SNX27: variants seen among roughly 807,000 people sequenced by gnomAD.
The protein encoded by SNX27 is sorting nexin-27.
SNX27 carries 22 observed loss-of-function variants against 71.6 expected under a neutral mutation model. The observed-to-expected ratio is 0.31, with a 90% CI of 0.22 to 0.44. SNX27 has a LOEUF of 0.44. Ranked by LOEUF, SNX27 falls within the 20% of genes least tolerant of loss-of-function variation. The pLI is 1.00. For missense variants in SNX27, 531 were observed against 698.6 expected (o/e 0.76, Z 2.70); for synonymous variants, 269 against 277.2 (o/e 0.97, Z 0.29).
intron 1 of SNX27, among the ~76,000 whole-genome samples, chr1:151,631,157 T>G (rs1299357808): frequency 1.3e-5 from 2 of 152,224 alleles, no homozygotes; most frequent in Non-Finnish European, 2.9e-5. Flanking sequence ...GACAGACCCT[T>G]ACATTTTGGT....
chr1:151,655,576 T>A (rs2102671359), intron 2 of SNX27, among the ~76,000 whole-genome samples: 1 of 152,338 alleles, frequency 6.6e-6, no homozygotes. Flanking sequence ...CTCCCTGAGC[T>A]GCAGTTTAGG....
intron 7 of SNX27, among the ~76,000 whole-genome samples, chr1:151,673,809 A>C (rs1170274125): frequency 6.6e-6 from 1 of 152,066 alleles, no homozygotes; most frequent in South Asian, 2.1e-4. Context: ...GTCTTGTCCT[A>C]TATTTTTGTC....
chr1:151,647,228 A>C (rs1487670930), intron 2 of SNX27, among the ~76,000 whole-genome samples: 1 of 150,626 alleles, frequency 6.6e-6, no homozygotes, highest in African/African-American at 2.4e-5. Context: ...TCAGCTCACC[A>C]CAACTTCCGT....
chr1:151,657,233 G>C (rs1051888750), intron 2 of SNX27, among the ~76,000 whole-genome samples: 1 of 152,154 alleles, frequency 6.6e-6, no homozygotes, highest in Non-Finnish European at 1.5e-5. Flanking sequence ...GAGTGTAGTG[G>C]CAGGATCGTG....
At chr1:151,651,390 C>T (rs1400681093) in intron 2 of SNX27, among the ~76,000 whole-genome samples, 1 of 150,114 alleles carries the variant, frequency 6.7e-6, no homozygotes, top group Non-Finnish European at 1.5e-5. Context: ...TGACCCCCCC[C>T]ACCTCCCTCC....
chr1:151,693,384 C>A lies in SNX27; in HGVS notation c.1519-40C>A, dbSNP rs202024310. ...CAAAGGCACAGTCCTGAGATGCCTG[C>A]TCTTGAGAAGTTAGTGAGTGTCACC... On this transcript the variant is annotated intron_variant, in intron 10 of 11. Coordinates refer to ENST00000458013, the MANE Select transcript of SNX27 (RefSeq NM_001330723.2). 7 of 1,595,688 alleles carry A rather than the reference C, an allele frequency of 4.4e-6. No homozygotes were observed. In the East Asian group the frequency reaches 1.6e-4, roughly 36 times the overall value.
At position 151,696,522 on chromosome 1, in the gene SNX27, G is replaced by GTTCTTTCGTTCTTTCTTTCTTTCT. The variant is rs1553267186; in HGVS notation, c.*2112_*2113insGTTCTTTCTTTCTTTCTTTCTTTC. 7 of 102,402 alleles carry GTTCTTTCGTTCTTTCTTTCTTTCT rather than the reference G, an allele frequency of 6.8e-5. No individual in the cohort carries two copies. In the South Asian group the frequency reaches 8.6e-4, roughly 13 times the overall value. 6.3% of individuals were successfully genotyped at this position (102,402 alleles called of 1,614,324 possible). A position where few individuals can be genotyped will look rare whatever the true frequency, so the allele number is the denominator to read the frequency against. On this transcript the variant is annotated 3_prime_UTR_variant, in exon 12 of 12. Coordinates refer to ENST00000458013, the MANE Select transcript of SNX27 (RefSeq NM_001330723.2). Reference sequence around the variant, plus strand: ...CTTTCTTTCGTTCTTTCGTTCTTTCGTTCTTTCTTTCTTTCTTTCTTTCTC... The same window carrying GTTCTTTCGTTCTTTCTTTCTTTCT: ...CTTTCTTTCGTTCTTTCGTTCTTTCGTTCTTTCGTTCTTTCTTTCTTTCTTTCTTTCTTTCTTTCTTTCTTTCTC...
rs912764503 is a variant in SNX27 at position 151,697,134 on chromosome 1, A to G, written c.*2717A>G. On this transcript the variant is annotated 3_prime_UTR_variant, in exon 12 of 12. Coordinates refer to ENST00000458013, the MANE Select transcript of SNX27 (RefSeq NM_001330723.2). ...AGGGATCCCTAATTTGAAGACTTTG[A>G]CACAGAACTAACTTCTTTTGACTTA... 2.6e-5 allele frequency: 4 copies of G among 152,214 alleles called. No individual in the cohort carries two copies. The highest frequency in any genetic ancestry group is 9.7e-5 in the African/African-American group (4 of 41,444). The allele number at this position is 152,214 out of a possible 1,614,324, so 9.4% of individuals were successfully genotyped here.
intron 3 of SNX27, among the ~76,000 whole-genome samples, chr1:151,658,917 C>G (rs1403315162): frequency 1.3e-5 from 2 of 152,174 alleles, no homozygotes; most frequent in Non-Finnish European, 2.9e-5. Context: ...ATCTCTTGAC[C>G]TCGTGATCCG....
In SNX27 at chr1:151,679,451, T is replaced by C. The variant is rs748493000; in HGVS notation, c.1150-3905T>C. The C allele has an allele frequency of 2.6e-5, 4 of 152,340 alleles. No homozygotes were observed. The South Asian group carries it at 6.2e-4, about 24-fold the overall frequency. The allele number at this position is 152,340 out of a possible 1,614,324, so 9.4% of individuals were successfully genotyped here. A position where few individuals can be genotyped will look rare whatever the true frequency, so the allele number is the denominator to read the frequency against. ...GTGTACACACATTTAAGCTGCTGTT[T>C]CCTGAAAGCTCACAAAAGTAGCAGT... On this transcript the variant is annotated intron_variant, in intron 7 of 11. Transcript: ENST00000458013.
chr1:151,658,440 A>G lies in SNX27; in HGVS notation c.736+13A>G. 4 of 1,611,502 alleles carry G rather than the reference A, an allele frequency of 2.5e-6. No individual in the cohort carries two copies. Among genetic ancestry groups the G allele is most frequent in the Non-Finnish European group, 3.4e-6 (4 of 1,178,732 alleles). ...TATCTAGAAAAAGGTAATCCAAACC[A>G]TCAAACTCTACTATATTGAGTAGAC... On this transcript the variant is annotated intron_variant, in intron 3 of 11. Transcript: ENST00000458013.
chr1:151,623,135 C>T (rs972728196), intron 1 of SNX27, among the ~76,000 whole-genome samples: 1 of 147,684 alleles, frequency 6.8e-6, no homozygotes, highest in South Asian at 2.2e-4. Flanking sequence ...ACCATACCTG[C>T]CTAATATATA....
intron 6 of SNX27, chr1:151,666,512 T>G (rs1332392645): frequency 6.6e-6 from 1 of 152,306 alleles, no homozygotes; most frequent in African/African-American, 2.4e-5. Flanking sequence ...ATTTATATTT[T>G]ATTTTATAAA....
chr1:151,658,722 T>C (rs1214326831), intron 3 of SNX27, among the ~76,000 whole-genome samples: 2 of 152,158 alleles, frequency 1.3e-5, no homozygotes, highest in Non-Finnish European at 2.9e-5. Flanking sequence ...TCTCGCTCTG[T>C]CGCCAGGCTG....
At position 151,612,345 on chromosome 1, in the gene SNX27, G is replaced by A. The variant is rs1410168827; in HGVS notation, c.144G>A (p.Lys48=). The A allele has an allele frequency of 6.5e-7, 1 of 1,546,596 alleles. No individual in the cohort carries two copies. The highest frequency in any genetic ancestry group is 8.7e-7 in the Non-Finnish European group (1 of 1,151,600). ...GCCCGCGGGTCGTGCGCATCGTCAAGTCCGAGTCCGGCTACGGCTTCAACG... is the reference window on the plus strand; with the variant it reads ...GCCCGCGGGTCGTGCGCATCGTCAAATCCGAGTCCGGCTACGGCTTCAACG... ...GGGPRVVRIV[K]SESGYGFNVR... Residue 48 remains lysine, a synonymous_variant, in exon 1 of 12, where the codon AAG becomes AAA. Transcript: ENST00000458013. The surrounding 1 kb of genome is among the most constrained non-coding windows in gnomAD (Gnocchi z 5.2).
At chr1:151,671,668 T>C (rs1445572966) in intron 7 of SNX27, among the ~76,000 whole-genome samples, 1 of 152,174 alleles carries the variant, frequency 6.6e-6, no homozygotes, top group African/African-American at 2.4e-5. Context: ...TTGCATTGAA[T>C]GTGTGGATTG....
intron 2 of SNX27, among the ~76,000 whole-genome samples, chr1:151,644,259 A>G (rs1203988989): frequency 6.6e-6 from 1 of 152,162 alleles, no homozygotes; most frequent in East Asian, 1.9e-4. Context: ...CATCACCTCA[A>G]AAAGAATCTC....
rs1249010489 is a variant in SNX27, at chr1:151,687,974, A to AC, written c.1240-4461_1240-4460insC. ...AAAAAAAAAAAACAACGAAAAACAAAAAAAAAAACTGCCCTATGTCTGTAT... is the reference window on the plus strand; with the variant it reads ...AAAAAAAAAAAACAACGAAAAACAAACAAAAAAAACTGCCCTATGTCTGTAT... On this transcript the variant is annotated intron_variant, in intron 8 of 11. Transcript: ENST00000458013. 1.3e-4 allele frequency among the ~76,000 whole-genome samples: 19 copies of AC among 151,764 alleles called. No homozygotes were observed. In the East Asian group the frequency reaches 1.4e-3, roughly 11 times the overall value.
At chr1:151,682,079 G>A (rs1670992856) in intron 7 of SNX27, among the ~76,000 whole-genome samples, 1 of 152,130 alleles carries the variant, frequency 6.6e-6, no homozygotes, top group Admixed American at 6.5e-5. Flanking sequence ...ATTATATACT[G>A]TCTTTCAGTG....
Sources: allele counts gnomAD v4.1 joint callset (sites outside exome capture counted in the v4.1 genomes callset), GRCh38; gene constraint gnomAD v4.1.1; non-coding constraint Gnocchi (gnomAD v3.1); transcripts MANE v1.5; gene names NCBI Gene and HGNC (gene_info 2026-07-23, HGNC 2026-07-21).